Variants in SERINC2 observed in about 807,000 individuals in gnomAD.
The protein encoded by SERINC2 is serine incorporator 2, also known as tumor differentially expressed protein 2.
SERINC2 carries 56 observed loss-of-function variants against 54.2 expected under a neutral mutation model. The ratio of observed to expected loss-of-function variants is 1.03; its 90% CI spans 0.83 to 1.29. The LOEUF (loss-of-function observed/expected upper bound fraction) is 1.29, where lower values mean the gene tolerates loss of function less well. Among genes scored for constraint, SERINC2 ranks in the 50% most tolerant of loss-of-function variants. SERINC2 has a pLI of 0.00. For synonymous variants in SERINC2, 272 were observed against 253.1 expected, an observed-to-expected ratio of 1.07 and a Z score of -0.71; for missense variants, 614 against 607.4, an observed-to-expected ratio of 1.01 and a Z score of -0.12.
At chr1:31,409,788 C>T (rs781935544), upstream of SERINC2, 59 of 1,544,978 alleles carry the variant, frequency 3.8e-5, no homozygotes, top group East Asian at 7.3e-5. Context: ...GTACAGACAG[C>T]GAAGCCCAAG....
In SERINC2 at chr1:31,415,514, G is replaced by A. The variant is rs1270650297; in HGVS notation, c.39+2210G>A. ...CGCAGCGTGGAGCTGTCCAGGAGTG[G>A]CCTAGGCCCCATACAGTAGTGAGCA... On this transcript the variant is annotated intron_variant, in intron 1 of 9. Coordinates refer to ENST00000373709, the MANE Select transcript of SERINC2 (RefSeq NM_178865.5). Among the ~76,000 whole-genome samples, 5 of 152,210 alleles carry A rather than the reference G, an allele frequency of 3.3e-5. No individual in the cohort carries two copies. In the East Asian group the frequency reaches 9.6e-4, roughly 29 times the overall value.
rs1333627846 is a variant in SERINC2 at position 31,413,912 on chromosome 1, T to A, written c.39+608T>A. 3.4e-6 allele frequency: 5 copies of A among 1,481,298 alleles called. No individual in the cohort carries two copies. The African/African-American group carries it at 7.1e-5, about 21-fold the overall frequency. The allele number at this position is 1,481,298 out of a possible 1,614,324, so 91.8% of individuals were successfully genotyped here. ...GCCCGTCCGCCCGTCCGTCCCTCAG[T>A]CTCTCTGCGGTCCCTTTACCGTCCT... On this transcript the variant is annotated intron_variant, in intron 1 of 9. Transcript: ENST00000373709. The surrounding 1 kb of genome is among the most constrained non-coding windows in gnomAD (Gnocchi z 5.0).
chr1:31,428,937 C>T, intron 6 of SERINC2, 41 bp from the exon 7 acceptor site: 1 of 1,557,488 alleles, frequency 6.4e-7, no homozygotes, highest in Non-Finnish European at 8.9e-7. Flanking sequence ...GGTGGGGTGT[C>T]TCTGGTCTGG....
chr1:31,431,903 A>T lies in SERINC2; in HGVS notation c.1014-1064A>T, dbSNP rs201258607. Among the ~76,000 whole-genome samples, 267 of 123,834 alleles carry T rather than the reference A, an allele frequency of 2.2e-3. 1 individual carries two copies. The highest frequency in any genetic ancestry group is 5.4e-3 in the Middle Eastern group (1 of 184). 81.2% of individuals were successfully genotyped at this position (123,834 alleles called of 152,430 possible). A position where few individuals can be genotyped will look rare whatever the true frequency, so the allele number is the denominator to read the frequency against. ...AGGGTGGACAGGGTGGATAGGGTGG[A>T]TAGGGTGGATAGGGTGGTTAGGGTG... On this transcript the variant is annotated intron_variant, in intron 8 of 9. Coordinates refer to ENST00000373709, the MANE Select transcript of SERINC2 (RefSeq NM_178865.5).
At position 31,434,371 on chromosome 1, in the gene SERINC2, C is replaced by G. The variant is rs1332859536; in HGVS notation, c.*172C>G. 36 of 645,392 alleles carry G rather than the reference C, an allele frequency of 5.6e-5. No homozygotes were observed. Among genetic ancestry groups the G allele is most frequent in the Non-Finnish European group, 8.2e-5 (31 of 378,692 alleles). The allele number at this position is 645,392 out of a possible 1,614,324, so 40.0% of individuals were successfully genotyped here. A position where few individuals can be genotyped will look rare whatever the true frequency, so the allele number is the denominator to read the frequency against. On this transcript the variant is annotated 3_prime_UTR_variant, in exon 10 of 10. Transcript: ENST00000373709. ...CTTCTAGTCGTAGTGCCTTCAGGGTCCGAGGAGCATCAGGCTCCTGCAGAG... is the reference window on the plus strand; with the variant it reads ...CTTCTAGTCGTAGTGCCTTCAGGGTGCGAGGAGCATCAGGCTCCTGCAGAG...
At chr1:31,428,690 G>A (rs1641109301) in intron 6 of SERINC2, among the ~76,000 whole-genome samples, 1 of 152,172 alleles carries the variant, frequency 6.6e-6, no homozygotes, top group African/African-American at 2.4e-5. Context: ...GGAGGAGGGG[G>A]ACAGTGGGCC....
intron 4 of SERINC2, 133 bp from the exon 5 acceptor site, chr1:31,425,643 G>A (rs2148519860): frequency 4.2e-6 from 5 of 1,180,538 alleles, no homozygotes; most frequent in Admixed American, 2.0e-5. Context: ...TCTGTGCGTA[G>A]CTAGGGGCTC....
rs1553133236 is a variant in SERINC2, at chr1:31,424,691, G to C, written c.210G>C (p.Trp70Cys). The C allele has an allele frequency of 6.9e-6, 11 of 1,598,674 alleles. No individual in the cohort carries two copies. The highest frequency in any genetic ancestry group is 8.5e-6 in the Non-Finnish European group (10 of 1,172,784). The change falls in exon 3 of 10, where the codon TGG becomes TGC. Residue 70 changes from tryptophan to cysteine, a missense_variant. Physicochemically the swap from Trp to Cys is radical, Grantham distance 215. Transcript: ENST00000373709. The stretch of plus-strand genomic sequence containing the variant: ...TCTGTCTGTCTCCACAGCTGCCCTG[G>C]GTGTGTGAGGAGGGGGCCGGGATCC... ...GVESQLYKLP[W>C]VCEEGAGIPT...
intron 6 of SERINC2, among the ~76,000 whole-genome samples, chr1:31,427,971 C>T (rs1235535016): frequency 3.3e-5 from 5 of 151,854 alleles, no homozygotes; most frequent in African/African-American, 1.2e-4. Flanking sequence ...CAGTGAGCTG[C>T]TCACCTCAGC....
intron 8 of SERINC2, 32 bp from the exon 9 acceptor site, chr1:31,432,931 GCTAT>G: frequency 6.6e-7 from 1 of 1,520,048 alleles, no homozygotes; most frequent in Non-Finnish European, 9.0e-7. Context: ...CAACGCCAGA[GCTAT>G]CTATTTGCCC....
chr1:31,421,623 G>C (rs1553132749), intron 1 of SERINC2, among the ~76,000 whole-genome samples: 1 of 152,152 alleles, frequency 6.6e-6, no homozygotes, highest in African/African-American at 2.4e-5. Context: ...TGTGTGCCTT[G>C]TGACCAGTCC....
intron 9 of SERINC2, among the ~76,000 whole-genome samples, chr1:31,433,812 G>A (rs902555171): frequency 6.6e-6 from 1 of 152,102 alleles, no homozygotes; most frequent in Admixed American, 6.5e-5. Context: ...CCCAGAATTA[G>A]GATCACAAGG....
At chr1:31,426,030 C>T (rs1553133578) in intron 5 of SERINC2, 117 bp downstream of exon 5, 1 of 1,088,910 alleles carries the variant, frequency 9.2e-7, no homozygotes, top group Admixed American at 2.3e-5. Flanking sequence ...CTAGCAGCCA[C>T]TGCCTTAGGT....
chr1:31,415,850 C>T (rs1376592560), intron 1 of SERINC2: 2 of 985,242 alleles, frequency 2.0e-6, no homozygotes, highest in African/African-American at 1.8e-5. Flanking sequence ...AGGTGTGACT[C>T]ATCTGCTGAT....
Position 31,425,368 on chromosome 1 carries a change from C to G in SERINC2, c.431C>G (p.Thr144Ser), listed in dbSNP as rs1553133406. The G allele has an allele frequency of 6.2e-7, 1 of 1,613,340 alleles. No individual in the cohort carries two copies. Among genetic ancestry groups the G allele is most frequent in the African/African-American group, 1.3e-5 (1 of 74,926 alleles). Residue 144 changes from threonine (T) to serine (S), a missense_variant, in exon 4 of 10, where the codon ACC (threonine) becomes AGC (serine). Physicochemically the swap from Thr to Ser is moderately conservative, Grantham distance 58 (BLOSUM62 1). Transcript: ENST00000373709. ...FFKFLILVGL[T>S]VGAFYIPDGS... is the part of the protein sequence containing the mutation. ...AAGTTCCTGATCCTGGTGGGCCTCA[C>G]CGTGGGTGCCTTCTACATTCCTGAC... is the stretch of plus-strand genomic sequence containing the variant.
intron 1 of SERINC2, among the ~76,000 whole-genome samples, chr1:31,417,557 A>G (rs1640809657): frequency 6.6e-6 from 1 of 152,242 alleles, no homozygotes; most frequent in Non-Finnish European, 1.5e-5. Flanking sequence ...TGCATAACAT[A>G]AAATGTACCA....
At chr1:31,422,499 G>A (rs1640927471) in intron 1 of SERINC2, among the ~76,000 whole-genome samples, 1 of 152,096 alleles carries the variant, frequency 6.6e-6, no homozygotes. Flanking sequence ...TTCAAGGAGG[G>A]CTTCCCTGAC....
intron 8 of SERINC2, among the ~76,000 whole-genome samples, chr1:31,431,776 A>ACAGGGTGGAGAGGGTGGAGGGGGTGG (rs1641214066): frequency 1.6e-4 from 1 of 6,290 alleles, no homozygotes; most frequent in African/African-American, 2.2e-4. Flanking sequence ...GGAGAGGGTG[A>ACAGGGTGGAGAGGGTGGAGGGGGTGG]ATAGGGTGGA....
rs1557487389 is a variant in SERINC2, at chr1:31,414,448, TGTGTGTGA to T, written c.39+1146_39+1153del. The T allele has an allele frequency of 3.7e-5, 36 of 984,240 alleles. No individual in the cohort carries two copies. The East Asian group carries it at 2.6e-3, about 71-fold the overall frequency. 61.0% of individuals were successfully genotyped at this position (984,240 alleles called of 1,614,324 possible). On this transcript the variant is annotated intron_variant, in intron 1 of 9. Coordinates refer to ENST00000373709, the MANE Select transcript of SERINC2 (RefSeq NM_178865.5). ...GTGTGTGTGTGTGTGTGTGTGTGTG[TGTGTGTGA>T]GAGAGAGAGAGAGAGAGAGGAGGGG...
Sources: gnomAD v4.1 joint callset for allele counts (sites outside exome capture counted in the v4.1 genomes callset) on GRCh38, gnomAD v4.1.1 for gene constraint, Gnocchi (gnomAD v3.1) non-coding constraint, MANE v1.5 for transcripts, NCBI Gene and HGNC (gene_info 2026-07-23, HGNC 2026-07-21) for gene names.